ASL: variants seen among roughly 807,000 people sequenced by gnomAD.
The protein encoded by ASL is argininosuccinate lyase.
ASL carries 51 observed loss-of-function variants against 69.1 expected under a neutral mutation model. The observed-to-expected ratio is 0.74, with a 90% CI of 0.59 to 0.93. ASL has a LOEUF of 0.93. Ranked by LOEUF, ASL falls within the 40% of genes least tolerant of loss-of-function variation. The probability of loss-of-function intolerance (pLI) is 0.00; values close to 1 mark genes in which losing one functional copy is unlikely to be tolerated. For synonymous variants in ASL, 241 were observed against 247.6 expected (o/e 0.97, Z 0.25); for missense variants, 540 against 623.9 (o/e 0.87, Z 1.43).
chr7:66,083,281 GA>G, intron 6 of ASL, 107 bp downstream of exon 6: 1 of 1,231,224 alleles, frequency 8.1e-7, no homozygotes, highest in East Asian at 2.5e-5. Flanking sequence ...GGCCCTGGGG[GA>G]CAGGGGCATC....
rs758627014 is a variant in ASL at position 66,087,383 on chromosome 7, G to T, written c.652G>T (p.Ala218Ser). Residue 218 changes from alanine (A) to serine (S), a missense_variant, in exon 9 of 17, where the codon GCA (alanine) becomes TCA (serine). Coordinates refer to ENST00000304874, the MANE Select transcript of ASL (RefSeq NM_000048.4). ...PLGVDRELLR[A>S]ELNFGAITLN... ...GGGTGTGGACCGAGAGCTGCTCCGA[G>T]CAGGTGAGACGTCCTGCCCCTCCTC... 5 of 1,606,984 alleles carry T rather than the reference G, an allele frequency of 3.1e-6. No individual in the cohort carries two copies. The East Asian group carries it at 1.1e-4, about 36-fold the overall frequency.
chr7:66,087,721 C>A lies in ASL; in HGVS notation c.656-8C>A. The A allele has an allele frequency of 6.2e-7, 1 of 1,614,006 alleles. No individual in the cohort carries two copies. The highest frequency in any genetic ancestry group is 8.5e-7 in the Non-Finnish European group (1 of 1,179,992). Reference sequence around the variant, plus strand: ...CCAGCTTAGCCCTGCTTCCTCCCACCCCCCCAGAACTCAACTTTGGGGCCA... The same window carrying A: ...CCAGCTTAGCCCTGCTTCCTCCCACACCCCCAGAACTCAACTTTGGGGCCA... On this transcript the variant is annotated splice_region_variant and splice_polypyrimidine_tract_variant and intron_variant, in intron 9 of 16. Transcript: ENST00000304874.
intron 6 of ASL, among the ~76,000 whole-genome samples, chr7:66,086,344 C>A (rs947402838): frequency 6.6e-6 from 1 of 152,330 alleles, no homozygotes; most frequent in South Asian, 2.1e-4. Flanking sequence ...GTGTTTCTGG[C>A]AAAGCCTCAC....
rs769450817 is a variant in ASL at position 66,092,864 on chromosome 7, C to T, written c.1347C>T (p.Asp449=). 1 of 1,612,492 alleles carries T rather than the reference C, an allele frequency of 6.2e-7. No individual in the cohort carries two copies. The highest frequency in any genetic ancestry group is 1.1e-5 in the South Asian group (1 of 91,082). ...ALGGTARSSV[D]WQIRQVRALL... ...GCGGCACTGCGCGCTCCAGCGTCGA[C>T]TGGCAGATCCGCCAGGTGCGGGCGC... Residue 449 remains aspartate, a synonymous_variant, in exon 17 of 17, where the codon GAC becomes GAT. Coordinates refer to ENST00000304874, the MANE Select transcript of ASL (RefSeq NM_000048.4).
In ASL at chr7:66,081,818, G is replaced by A. The variant is rs781154096; in HGVS notation, c.28G>A (p.Gly10Ser). 1.9e-6 allele frequency: 3 copies of A among 1,613,696 alleles called. No homozygotes were observed. The South Asian group carries it at 3.3e-5, about 18-fold the overall frequency. ...TCCTGGCCAGAGTGGGAAGCTTTGG[G>A]GTGGCCGGTTTGTGGGTGCAGTGGA... The part of the protein sequence containing the change: MASESGKLW[G>S]GRFVGAVDPI... The change falls in exon 3 of 17, where the codon GGT becomes AGT. Residue 10 changes from glycine (G) to serine (S), a missense_variant. Physicochemically the swap from Gly to Ser is moderately conservative, Grantham distance 56 (BLOSUM62 0). Transcript: ENST00000304874.
intron 2 of ASL, among the ~76,000 whole-genome samples, chr7:66,080,058 C>G (rs1786455514): frequency 6.6e-6 from 1 of 151,938 alleles, no homozygotes; most frequent in Non-Finnish European, 1.5e-5. Context: ...GCACTCCAAC[C>G]TGGGTAACAA....
chr7:66,087,572 C>T, intron 9 of ASL, 157 bp from the exon 10 acceptor site: 1 of 966,062 alleles, frequency 1.0e-6, no homozygotes, highest in East Asian at 2.6e-5. Context: ...TACTGAGAGA[C>T]TCAGGGCTCC....
chr7:66,079,903 C>G (rs1584018443), intron 2 of ASL, among the ~76,000 whole-genome samples: 1 of 152,038 alleles, frequency 6.6e-6, no homozygotes. Flanking sequence ...CAGGCATGAG[C>G]CACCACTCCC....
intron 2 of ASL, among the ~76,000 whole-genome samples, chr7:66,077,780 T>A (rs1264398068): frequency 6.6e-6 from 1 of 152,120 alleles, no homozygotes; most frequent in South Asian, 2.1e-4. Context: ...GTATTTCCCA[T>A]GTACATTCGA....
At chr7:66,086,520 T>C (rs1786665431) in intron 6 of ASL, 65 bp from the exon 7 acceptor site, 9 of 1,556,238 alleles carry the variant, frequency 5.8e-6, no homozygotes, top group Non-Finnish European at 7.9e-6. Flanking sequence ...GCCTGCAGGG[T>C]TCCAGTGTCA....
chr7:66,091,371 A>C (rs1786838361), intron 14 of ASL, among the ~76,000 whole-genome samples: 1 of 152,152 alleles, frequency 6.6e-6, no homozygotes, highest in South Asian at 2.1e-4. Flanking sequence ...CAGCCTGAGC[A>C]ACATAGCGAG....
intron 13 of ASL, 119 bp downstream of exon 13, chr7:66,089,454 C>T: frequency 6.9e-7 from 1 of 1,451,206 alleles, no homozygotes; most frequent in Non-Finnish European, 9.5e-7. Flanking sequence ...ACAGCTCCAT[C>T]CGTGGCTGCC....
chr7:66,083,614 G>A (rs1786575240), intron 6 of ASL, among the ~76,000 whole-genome samples: 1 of 151,796 alleles, frequency 6.6e-6, no homozygotes, highest in Non-Finnish European at 1.5e-5. Context: ...AACCCGGGAG[G>A]AGGAGGTTGC....
chr7:66,081,307 C>CAGTGA (rs1158426991), intron 2 of ASL, among the ~76,000 whole-genome samples: 7 of 152,144 alleles, frequency 4.6e-5, no homozygotes, highest in African/African-American at 1.7e-4. Context: ...AGGCCACACA[C>CAGTGA]AGTGGCTCAT....
chr7:66,078,506 G>A (rs1272423290), intron 2 of ASL, among the ~76,000 whole-genome samples: 1 of 152,074 alleles, frequency 6.6e-6, no homozygotes, highest in Non-Finnish European at 1.5e-5. Flanking sequence ...CTTAGTAACA[G>A]CTGGCATTTC....
At chr7:66,085,582 C>A (rs1365629645) in intron 6 of ASL, among the ~76,000 whole-genome samples, 1 of 152,026 alleles carries the variant, frequency 6.6e-6, no homozygotes, top group African/African-American at 2.4e-5. Context: ...AGTTTCAGAC[C>A]ACTCTGGGCA....
Position 66,087,376 on chromosome 7 carries a change from G to A in ASL, c.645G>A (p.Leu215=), listed in dbSNP as rs1480124074. The change falls in exon 9 of 17, where the codon CTG becomes CTA. Residue 215 remains leucine, a synonymous_variant. Transcript: ENST00000304874. Reference sequence around the variant, plus strand: ...ATCCCCTGGGTGTGGACCGAGAGCTGCTCCGAGCAGGTGAGACGTCCTGCC... The same window carrying A: ...ATCCCCTGGGTGTGGACCGAGAGCTACTCCGAGCAGGTGAGACGTCCTGCC... The part of the protein sequence containing the change: ...AGNPLGVDRE[L]LRAELNFGAI... The A allele has an allele frequency of 6.2e-7, 1 of 1,606,900 alleles. No individual in the cohort carries two copies. Among genetic ancestry groups the A allele is most frequent in the South Asian group, 1.1e-5 (1 of 91,068 alleles).
At position 66,082,403 on chromosome 7, in the gene ASL, G is replaced by A. The variant is rs774204716; in HGVS notation, c.243G>A (p.Leu81=). 6.2e-7 allele frequency: 1 copy of A among 1,612,464 alleles called. No homozygotes were observed. Among genetic ancestry groups the A allele is most frequent in the African/African-American group, 1.3e-5 (1 of 74,882 alleles). ...AGTGGGCCCAGGGCACCTTCAAACT[G>A]AACTCCAATGATGAGGACATCCACA... is the stretch of plus-strand genomic sequence containing the variant. ...AEEWAQGTFK[L]NSNDEDIHTA... The change falls in exon 4 of 17, where the codon CTG becomes CTA. Residue 81 remains leucine, a synonymous_variant. Coordinates refer to ENST00000304874, the MANE Select transcript of ASL (RefSeq NM_000048.4).
At chr7:66,076,536 T>A (rs1403903446) in intron 2 of ASL, among the ~76,000 whole-genome samples, 1 of 152,176 alleles carries the variant, frequency 6.6e-6, no homozygotes, top group Non-Finnish European at 1.5e-5. Context: ...AGTGTTCTTG[T>A]CCTTGACTGT....
Sources: gnomAD v4.1 joint callset for allele counts (sites outside exome capture counted in the v4.1 genomes callset) on GRCh38, gnomAD v4.1.1 for gene constraint, MANE v1.5 for transcripts, NCBI Gene and HGNC (gene_info 2026-07-23, HGNC 2026-07-21) for gene names.